The following NBEA variants were observed in gnomAD, a reference collection of about 807,000 sequenced individuals.
The protein encoded by NBEA is lysosomal-trafficking regulator 2.
NBEA carries 44 observed loss-of-function variants against 343.4 expected under a neutral mutation model. The observed-to-expected ratio is 0.13, with a 90% CI of 0.10 to 0.16. The LOEUF is 0.16. NBEA is among the 10% of genes least tolerant of loss of function. The pLI is 1.00. For synonymous variants in NBEA, 1,175 were observed against 1,238.7 expected (o/e 0.95, Z 1.08); for missense variants, 2,555 against 3,631.3 (o/e 0.70, Z 7.62).
At chr13:35,136,747 G>A (rs1020941671) in intron 17 of NBEA, among the ~76,000 whole-genome samples, 2 of 152,178 alleles carry the variant, frequency 1.3e-5, no homozygotes, top group African/African-American at 4.8e-5. Flanking sequence ...ATTATATCCT[G>A]CCAGATTGTT....
At chr13:35,342,102 C>T (rs2039619603) in intron 36 of NBEA, among the ~76,000 whole-genome samples, 1 of 151,862 alleles carries the variant, frequency 6.6e-6, no homozygotes, top group Admixed American at 6.6e-5. Context: ...TGAAAGAAGC[C>T]AGACACATAT....
chr13:35,467,506 T>C, intron 40 of NBEA, among the ~76,000 whole-genome samples: 1 of 151,998 alleles, frequency 6.6e-6, no homozygotes, highest in East Asian at 1.9e-4. Flanking sequence ...GTGACAGATA[T>C]TTTAGATATG....
intron 36 of NBEA, among the ~76,000 whole-genome samples, chr13:35,316,881 A>G (rs191283060): frequency 1.6e-3 from 237 of 152,080 alleles, no homozygotes; most frequent in Middle Eastern, 6.8e-3. Context: ...TTTTTTTCAT[A>G]TACTTGTTGA....
chr13:35,550,657 G>C (rs1335352359), intron 42 of NBEA, 63 bp downstream of exon 42: 1 of 989,156 alleles, frequency 1.0e-6, no homozygotes, highest in African/African-American at 1.6e-5. Context: ...CATTTACATG[G>C]TATGATAATG....
At chr13:35,255,440 A>G (rs74048960) in intron 34 of NBEA, among the ~76,000 whole-genome samples, 174 of 152,376 alleles carry the variant, frequency 1.1e-3, no homozygotes, top group African/African-American at 4.1e-3. Flanking sequence ...AGCCAGGCAC[A>G]GAGCAGCAGT....
At chr13:35,458,430 A>C (rs1258951775) in intron 40 of NBEA, among the ~76,000 whole-genome samples, 2 of 152,228 alleles carry the variant, frequency 1.3e-5, no homozygotes, top group Non-Finnish European at 2.9e-5. Context: ...TTGCCCTCAA[A>C]GGTTCCCACT....
At chr13:34,998,881 A>C (rs539739939) in intron 1 of NBEA, among the ~76,000 whole-genome samples, 1 of 152,328 alleles carries the variant, frequency 6.6e-6, no homozygotes, top group Non-Finnish European at 1.5e-5. Context: ...GGAAATCACA[A>C]GGGTATTGAT....
At chr13:35,114,592 GCTCTGGCT>G (rs1408963285) in intron 13 of NBEA, among the ~76,000 whole-genome samples, 1 of 151,928 alleles carries the variant, frequency 6.6e-6, no homozygotes, top group East Asian at 1.9e-4. Context: ...GACTCACTTG[GCTCTGGCT>G]CTGTAAGACC....
In NBEA at chr13:35,159,446, T is replaced by C. The variant is rs187172790; in HGVS notation, c.3275T>C (p.Val1092Ala). Residue 1092 changes from valine to alanine, a missense_variant, in exon 22 of 59, where the codon GTT (valine) becomes GCT (alanine). Physicochemically the swap from Val to Ala is moderately conservative, Grantham distance 64. This residue lies in a region of NBEA where 367 missense variants were observed against 377.5 expected (regional missense o/e 0.97). Coordinates refer to ENST00000379939, the MANE Select transcript of NBEA (RefSeq NM_001385012.1). ...VGGENGALVEVESLLDNVYSA... is the reference protein window; with the variant it reads ...VGGENGALVEAESLLDNVYSA... ...GGAGAGAATGGTGCCCTTGTGGAGG[T>C]TGAATCTCTGTTGGATAATGTATAT... 58 of 1,613,208 alleles carry C rather than the reference T, an allele frequency of 3.6e-5. No homozygotes were observed. Among genetic ancestry groups the C allele is most frequent in the Non-Finnish European group, 4.8e-5 (57 of 1,179,626 alleles).
At chr13:35,402,186 G>A (rs1034494455) in intron 38 of NBEA, among the ~76,000 whole-genome samples, 6 of 151,752 alleles carry the variant, frequency 4.0e-5, no homozygotes, top group African/African-American at 9.7e-5. Flanking sequence ...TATAAATCTC[G>A]AAGTAAATAC....
intron 6 of NBEA, among the ~76,000 whole-genome samples, chr13:35,051,297 TTG>T (rs1277445833): frequency 2.0e-5 from 3 of 151,998 alleles, no homozygotes; most frequent in Non-Finnish European, 2.9e-5. Context: ...GCCTTACCCT[TTG>T]TGATTAATGG....
chr13:35,089,003 G>C (rs1156270216), intron 10 of NBEA, among the ~76,000 whole-genome samples: 2 of 124,534 alleles, frequency 1.6e-5, no homozygotes, highest in Non-Finnish European at 3.4e-5. Context: ...GCATGGGCAA[G>C]GACTTCATGT....
At chr13:35,108,262 A>G (rs2066016995) in intron 11 of NBEA, among the ~76,000 whole-genome samples, 1 of 152,114 alleles carries the variant, frequency 6.6e-6, no homozygotes, top group Admixed American at 6.6e-5. Context: ...ACTACAAAAT[A>G]GTATCACTAG....
chr13:35,434,830 T>C (rs187224613), intron 39 of NBEA, among the ~76,000 whole-genome samples: 9 of 152,248 alleles, frequency 5.9e-5, no homozygotes, highest in Admixed American at 5.2e-4. Context: ...ATAGAAAATA[T>C]CTCTTCAGAA....
chr13:34,964,211 C>T (rs1453191714), intron 1 of NBEA, among the ~76,000 whole-genome samples: 1 of 151,902 alleles, frequency 6.6e-6, no homozygotes, highest in Non-Finnish European at 1.5e-5. Flanking sequence ...TTTGTGGTAA[C>T]TATCGTGTTT....
intron 11 of NBEA, among the ~76,000 whole-genome samples, chr13:35,099,292 A>G (rs948093770): frequency 9.5e-5 from 13 of 137,406 alleles, no homozygotes; most frequent in Admixed American, 1.6e-4. Flanking sequence ...TCCGCCTCCC[A>G]GGTTCACGCC....
chr13:34,944,146 T>C (rs544661376), intron 1 of NBEA, among the ~76,000 whole-genome samples: 1 of 152,348 alleles, frequency 6.6e-6, no homozygotes, highest in African/African-American at 2.4e-5. Flanking sequence ...TTTGACATAC[T>C]GTAAGGTTGG....
chr13:35,105,160 T>C (rs1193525574), intron 11 of NBEA, among the ~76,000 whole-genome samples: 1 of 151,408 alleles, frequency 6.6e-6, no homozygotes, highest in Non-Finnish European at 1.5e-5. Context: ...AAGAAAGGAG[T>C]ATAGTGTAAG....
At chr13:35,293,129 A>G (rs1023224428) in intron 35 of NBEA, among the ~76,000 whole-genome samples, 1 of 151,954 alleles carries the variant, frequency 6.6e-6, no homozygotes, top group Non-Finnish European at 1.5e-5. Flanking sequence ...TGTGCCCAAA[A>G]TATGGTCTAA....
Sources: gnomAD v4.1 joint callset for allele counts (sites outside exome capture counted in the v4.1 genomes callset) on GRCh38, gnomAD v4.1.1 for gene constraint, gnomAD v4.1.1 regional missense constraint, MANE v1.5 for transcripts, NCBI Gene and HGNC (gene_info 2026-07-23, HGNC 2026-07-21) for gene names.